PAPPA2: variants seen among roughly 807,000 people sequenced by gnomAD.
PAPPA2 encodes the protein pappalysin 2.
Under a neutral mutation model 176.4 loss-of-function variants are expected in PAPPA2, and 86 were observed. The observed-to-expected ratio is 0.49, with a 90% CI of 0.41 to 0.58. PAPPA2 has a LOEUF of 0.58. Ranked by LOEUF, PAPPA2 falls within the 20% of genes least tolerant of loss-of-function variation. The pLI is 0.00. For missense variants in PAPPA2, 2,073 were observed against 2,256.9 expected, an observed-to-expected ratio of 0.92 and a Z score of 1.65; for synonymous variants, 809 against 852.2, an observed-to-expected ratio of 0.95 and a Z score of 0.88.
intron 21 of PAPPA2, among the ~76,000 whole-genome samples, chr1:176,828,303 T>G (rs1666936197): frequency 6.6e-6 from 1 of 152,190 alleles, no homozygotes; most frequent in South Asian, 2.1e-4. Context: ...GTACAAACCT[T>G]GTAGTACACA....
chr1:176,500,001 A>G (rs1055468094), intron 1 of PAPPA2, among the ~76,000 whole-genome samples: 8 of 152,192 alleles, frequency 5.3e-5, no homozygotes, highest in Non-Finnish European at 1.2e-4. Flanking sequence ...TGGAATGTTT[A>G]CACCCTTTTG....
At chr1:176,781,329 G>C (rs1342618341) in intron 17 of PAPPA2, among the ~76,000 whole-genome samples, 2 of 138,900 alleles carry the variant, frequency 1.4e-5, no homozygotes, top group African/African-American at 5.4e-5. Flanking sequence ...TTTCAGAGAG[G>C]CTCTATTTTA....
At chr1:176,500,555 CTAGTTAACTTAGTT>C (rs1479688505) in intron 1 of PAPPA2, among the ~76,000 whole-genome samples, 1 of 149,752 alleles carries the variant, frequency 6.7e-6, no homozygotes, top group Non-Finnish European at 1.5e-5. Context: ...ACATATAAAA[CTAGTTAACTTAGTT>C]CACATCCTAT....
chr1:176,690,060 T>G, intron 4 of PAPPA2, 77 bp from the exon 5 acceptor site: 1 of 1,306,396 alleles, frequency 7.7e-7, no homozygotes, highest in South Asian at 1.4e-5. Flanking sequence ...TATTTGATGT[T>G]TATCAGAAAA....
At chr1:176,553,878 CTCTT>C (rs1320312218) in intron 1 of PAPPA2, 1 of 151,972 alleles carries the variant, frequency 6.6e-6, no homozygotes, top group Non-Finnish European at 1.5e-5. Context: ...TTCTCTCTCT[CTCTT>C]TCTCTCTCTC....
At position 176,793,623 on chromosome 1, in the gene PAPPA2, T is replaced by C. The variant is rs1665286287; in HGVS notation, c.5084T>C (p.Ile1695Thr). The change falls in exon 20 of 23, where the codon ATC (isoleucine) becomes ACC (threonine). Residue 1695 changes from isoleucine to threonine, a missense_variant. Around this residue, in one of 4 missense-constraint regions of PAPPA2, gnomAD observed 846 missense variants for 857.9 expected, o/e 0.99. Coordinates refer to ENST00000367662, the MANE Select transcript of PAPPA2 (RefSeq NM_020318.3). The part of the protein sequence containing the change: ...PSDPVMLPEN[I>T]TADTLEHWME... The stretch of plus-strand genomic sequence containing the variant: ...GACCCCGTGATGCTACCTGAGAATA[T>C]CACTGCTGACACTCTGGAGCACTGG... The C allele has an allele frequency of 6.2e-7, 1 of 1,613,238 alleles. No homozygotes were observed.
At chr1:176,773,026 G>A (rs1328041519) in intron 17 of PAPPA2, among the ~76,000 whole-genome samples, 2 of 152,052 alleles carry the variant, frequency 1.3e-5, no homozygotes, top group Non-Finnish European at 2.9e-5. Context: ...TCAGCTTTAT[G>A]TTGGGAAAAA....
intron 3 of PAPPA2, among the ~76,000 whole-genome samples, chr1:176,632,384 C>T (rs1001879640): frequency 6.6e-6 from 1 of 151,972 alleles, no homozygotes; most frequent in African/African-American, 2.4e-5. Context: ...GAATAACTAA[C>T]ATAGTCAGTG....
At chr1:176,465,437 C>G (rs975899903) in intron 1 of PAPPA2, among the ~76,000 whole-genome samples, 3 of 152,148 alleles carry the variant, frequency 2.0e-5, no homozygotes, top group Non-Finnish European at 4.4e-5. Context: ...TCCAAGTTGA[C>G]AGGTGACAAC....
At chr1:176,756,580 T>C (rs1042629831) in intron 14 of PAPPA2, among the ~76,000 whole-genome samples, 4 of 152,334 alleles carry the variant, frequency 2.6e-5, no homozygotes, top group South Asian at 2.1e-4. Flanking sequence ...CCAGAGATTT[T>C]ATAATCTATG....
At position 176,810,541 on chromosome 1, in the gene PAPPA2, C is replaced by T. The variant is rs141365742; in HGVS notation, c.5202+10409C>T. ...TGCTCCTATGAGAATCTAATGCCACCACAAATTTTACAGGAGGCAGATCCA... is the reference window on the plus strand; with the variant it reads ...TGCTCCTATGAGAATCTAATGCCACTACAAATTTTACAGGAGGCAGATCCA... On this transcript the variant is annotated intron_variant, in intron 21 of 22. Transcript: ENST00000367662. Among the ~76,000 whole-genome samples the T allele has an allele frequency of 1.9e-3, 292 of 152,284 alleles. 2 individuals carry two copies. Among genetic ancestry groups the T allele is most frequent in the African/African-American group, 6.8e-3 (282 of 41,548 alleles).
At chr1:176,671,176 C>G (rs189777604) in intron 4 of PAPPA2, 61 bp downstream of exon 4, 2 of 1,586,892 alleles carry the variant, frequency 1.3e-6, no homozygotes, top group East Asian at 2.2e-5. Context: ...AGGAAGCTTG[C>G]GAAAGTAAGT....
Position 176,747,263 on chromosome 1 carries a change from A to G in PAPPA2, c.4151+7067A>G, listed in dbSNP as rs559429379. ...TACATCTACTTATGTGAACGGGCATATTTGTTTTGAGGAAATGATGACTTG... is the reference window on the plus strand; with the variant it reads ...TACATCTACTTATGTGAACGGGCATGTTTGTTTTGAGGAAATGATGACTTG... On this transcript the variant is annotated intron_variant, in intron 14 of 22. Transcript: ENST00000367662. 2.0e-5 allele frequency among the ~76,000 whole-genome samples: 3 copies of G among 152,322 alleles called. No homozygotes were observed. The East Asian group carries it at 5.8e-4, about 29-fold the overall frequency.
intron 3 of PAPPA2, among the ~76,000 whole-genome samples, chr1:176,662,299 T>G (rs1227625726): frequency 6.6e-6 from 1 of 152,192 alleles, no homozygotes; most frequent in East Asian, 1.9e-4. Flanking sequence ...AGAAAATATA[T>G]ACAAAGCATC....
At chr1:176,524,781 T>C (rs566351493) in intron 1 of PAPPA2, among the ~76,000 whole-genome samples, 40 of 152,268 alleles carry the variant, frequency 2.6e-4, no homozygotes, top group Non-Finnish European at 5.4e-4. Flanking sequence ...CCCAGCACTT[T>C]GGGAGGCCCT....
chr1:176,797,204 G>C (rs16850212), intron 20 of PAPPA2, among the ~76,000 whole-genome samples: 39,500 of 152,128 alleles, frequency 0.26, 6,528 homozygotes, highest in African/African-American at 0.46. Context: ...TTATATTGGA[G>C]GGACATATAT....
At chr1:176,802,254 G>A (rs1392825662) in intron 21 of PAPPA2, among the ~76,000 whole-genome samples, 1 of 152,012 alleles carries the variant, frequency 6.6e-6, no homozygotes, top group Non-Finnish European at 1.5e-5. Flanking sequence ...GTGGAAGGAA[G>A]ATACAACGAT....
intron 3 of PAPPA2, among the ~76,000 whole-genome samples, chr1:176,622,067 G>C (rs1655629681): frequency 6.6e-6 from 1 of 152,084 alleles, no homozygotes; most frequent in African/African-American, 2.4e-5. Flanking sequence ...AATTAGACCT[G>C]AATTGGGAGT....
In PAPPA2 at chr1:176,844,559, C is replaced by G. The variant is rs1395496704; in HGVS notation, c.*2105C>G. 6.6e-6 allele frequency: 1 copy of G among 152,054 alleles called. No individual in the cohort carries two copies. The highest frequency in any genetic ancestry group is 1.9e-4 in the East Asian group (1 of 5,180). 9.4% of individuals were successfully genotyped at this position (152,054 alleles called of 1,614,324 possible). ...TGTAAAGAAAATGTAGTTCAGATACCATTCATTGTCTTGGGTCATGCTTAG... is the reference window on the plus strand; with the variant it reads ...TGTAAAGAAAATGTAGTTCAGATACGATTCATTGTCTTGGGTCATGCTTAG... On this transcript the variant is annotated 3_prime_UTR_variant, in exon 23 of 23. Transcript: ENST00000367662.
Sources: allele counts gnomAD v4.1 joint callset (sites outside exome capture counted in the v4.1 genomes callset), GRCh38; gene constraint gnomAD v4.1.1; regional missense constraint gnomAD v4.1.1; transcripts MANE v1.5; gene names NCBI Gene and HGNC (gene_info 2026-07-23, HGNC 2026-07-21).